UPP2: variants seen among roughly 807,000 people sequenced by gnomAD.
The protein encoded by UPP2 is uridine phosphorylase 2.
Under a neutral mutation model 26.7 loss-of-function variants are expected in UPP2, and 23 were observed. The ratio of observed to expected loss-of-function variants is 0.86; its 90% CI spans 0.62 to 1.22. UPP2 has a LOEUF of 1.22. Among genes scored for constraint, UPP2 ranks in the 50% most tolerant of loss-of-function variants. UPP2 has a pLI of 0.00. For missense variants in UPP2, 387 were observed against 396.7 expected (o/e 0.98, Z 0.21); for synonymous variants, 127 against 141.3 (o/e 0.90, Z 0.72).
At chr2:158,047,700 T>C (rs551963975) in intron 3 of UPP2, among the ~76,000 whole-genome samples, 2 of 152,356 alleles carry the variant, frequency 1.3e-5, no homozygotes, top group East Asian at 3.9e-4. Flanking sequence ...TATAAAGGAA[T>C]GTAGCTTCAG....
At chr2:158,011,184 C>A (rs11902596) in intron 2 of UPP2, among the ~76,000 whole-genome samples, 15,971 of 152,142 alleles carry the variant, frequency 0.1, 1,073 homozygotes, top group East Asian at 0.2. Flanking sequence ...CTGGGGAACA[C>A]CCTTTGGTTT....
At chr2:158,117,227 GA>G (rs1264198211) in intron 3 of UPP2, among the ~76,000 whole-genome samples, 2 of 151,268 alleles carry the variant, frequency 1.3e-5, no homozygotes. Context: ...CCACTGTCCT[GA>G]ATACTGAAAA....
intron 3 of UPP2, among the ~76,000 whole-genome samples, chr2:158,047,731 C>G (rs1684176535): frequency 6.6e-6 from 1 of 152,198 alleles, no homozygotes; most frequent in Admixed American, 6.5e-5. Flanking sequence ...AGATAGAAGG[C>G]AGCATATCAT....
chr2:158,108,368 C>G (rs1265884250), intron 2 of UPP2, among the ~76,000 whole-genome samples: 1 of 152,100 alleles, frequency 6.6e-6, no homozygotes, highest in Non-Finnish European at 1.5e-5. Flanking sequence ...GCTGGTAAGT[C>G]AAATAGCTGA....
intron 3 of UPP2, among the ~76,000 whole-genome samples, chr2:158,083,706 A>T (rs543820295): frequency 5.1e-4 from 76 of 150,428 alleles, no homozygotes; most frequent in African/African-American, 1.6e-3. Flanking sequence ...AAGTATAATT[A>T]AAAAAAAATA....
intron 3 of UPP2, among the ~76,000 whole-genome samples, chr2:158,018,984 A>G (rs1683703238): frequency 1.3e-5 from 2 of 152,214 alleles, no homozygotes; most frequent in Non-Finnish European, 2.9e-5. Context: ...CAAGATAGGT[A>G]GATCTCCACA....
At chr2:158,022,536 G>GT (rs1683768636) in intron 3 of UPP2, among the ~76,000 whole-genome samples, 2 of 150,338 alleles carry the variant, frequency 1.3e-5, no homozygotes, top group African/African-American at 4.9e-5. Flanking sequence ...ATTCTATTAT[G>GT]TTATACTTCA....
At chr2:158,086,900 T>A (rs1165716251) in intron 3 of UPP2, among the ~76,000 whole-genome samples, 1 of 152,166 alleles carries the variant, frequency 6.6e-6, no homozygotes, top group Non-Finnish European at 1.5e-5. Flanking sequence ...AGACTTGTTT[T>A]GTGGCCTATC....
chr2:158,060,788 C>G (rs1682340427), intron 3 of UPP2, among the ~76,000 whole-genome samples: 1 of 152,168 alleles, frequency 6.6e-6, no homozygotes, highest in Non-Finnish European at 1.5e-5. Context: ...CTCTCCCTGC[C>G]ATGTGAGGAC....
intron 3 of UPP2, among the ~76,000 whole-genome samples, chr2:158,094,972 A>T (rs1024626950): frequency 1.3e-5 from 2 of 152,170 alleles, no homozygotes; most frequent in Non-Finnish European, 2.9e-5. Context: ...TTAATCTCCA[A>T]GGCTTGAAGT....
intron 3 of UPP2, among the ~76,000 whole-genome samples, chr2:158,044,227 G>A (rs2105166045): frequency 6.6e-6 from 1 of 152,318 alleles, no homozygotes; most frequent in East Asian, 1.9e-4. Flanking sequence ...GAGAGAGCAA[G>A]CACAGACAGG....
At chr2:158,095,580 A>G (rs1682972780) in intron 3 of UPP2, among the ~76,000 whole-genome samples, 1 of 152,150 alleles carries the variant, frequency 6.6e-6, no homozygotes, top group Non-Finnish European at 1.5e-5. Context: ...CTGAACTCCA[A>G]TCTCCATTTA....
chr2:158,121,299 C>A, intron 4 of UPP2, 110 bp from the exon 5 acceptor site: 3 of 932,726 alleles, frequency 3.2e-6, no homozygotes, highest in South Asian at 1.5e-5. Flanking sequence ...AAGTTGAAAA[C>A]AGGGAGACTC....
At chr2:158,091,386 C>G (rs751539669) in intron 3 of UPP2, among the ~76,000 whole-genome samples, 51 of 152,018 alleles carry the variant, frequency 3.4e-4, no homozygotes, top group Non-Finnish European at 6.3e-4. Flanking sequence ...TATAAAATAT[C>G]TATGTTTAAA....
At chr2:158,027,768 G>A (rs1331534428) in intron 3 of UPP2, among the ~76,000 whole-genome samples, 1 of 152,168 alleles carries the variant, frequency 6.6e-6, no homozygotes, top group Non-Finnish European at 1.5e-5. Context: ...GGGTATCCAG[G>A]CATTTCTATA....
intron 3 of UPP2, among the ~76,000 whole-genome samples, chr2:158,054,995 C>A (rs563219036): frequency 1.3e-5 from 2 of 152,190 alleles, no homozygotes; most frequent in African/African-American, 4.8e-5. Flanking sequence ...AACCACTATT[C>A]TACTTCCTGT....
intron 2 of UPP2, among the ~76,000 whole-genome samples, chr2:158,113,341 G>A (rs1176826063): frequency 6.6e-6 from 1 of 152,134 alleles, no homozygotes; most frequent in Non-Finnish European, 1.5e-5. Context: ...GACTTAGATC[G>A]TGAGCCAAGT....
intron 3 of UPP2, among the ~76,000 whole-genome samples, chr2:158,094,417 T>C (rs901736374): frequency 3.9e-5 from 6 of 152,150 alleles, no homozygotes; most frequent in African/African-American, 1.4e-4. Context: ...ACAGCAACAG[T>C]ATTTTCTGTT....
chr2:158,033,229 T>C (rs1683951151), intron 3 of UPP2, among the ~76,000 whole-genome samples: 1 of 152,160 alleles, frequency 6.6e-6, no homozygotes, highest in South Asian at 2.1e-4. Flanking sequence ...GTTTAGTTTC[T>C]GAGGTTGGCC....
Sources: allele counts gnomAD v4.1 joint callset (sites outside exome capture counted in the v4.1 genomes callset), GRCh38; gene constraint gnomAD v4.1.1; transcripts MANE v1.5; gene names NCBI Gene and HGNC (gene_info 2026-07-23, HGNC 2026-07-21).